DUS4L: variants seen among roughly 807,000 people sequenced by gnomAD.
DUS4L encodes the protein tRNA-dihydrouridine(20a/20b) synthase [NAD(P)+]-like.
DUS4L carries 31 observed loss-of-function variants against 33.8 expected under a neutral mutation model. The ratio of observed to expected loss-of-function variants is 0.92; its 90% CI spans 0.69 to 1.24. The LOEUF (loss-of-function observed/expected upper bound fraction) is 1.24, where lower values mean the gene tolerates loss of function less well. Ranked by LOEUF, DUS4L falls within the 50% of genes most tolerant of loss-of-function variation. The probability of loss-of-function intolerance (pLI) is 0.00; values close to 1 mark genes in which losing one functional copy is unlikely to be tolerated. For missense variants in DUS4L, 368 were observed against 388.6 expected, an observed-to-expected ratio of 0.95 and a Z score of 0.45; for synonymous variants, 103 against 120.3, an observed-to-expected ratio of 0.86 and a Z score of 0.94.
intron 4 of DUS4L, among the ~76,000 whole-genome samples, chr7:107,571,928 C>T (rs796470101): frequency 8.5e-5 from 13 of 152,254 alleles, no homozygotes; most frequent in African/African-American, 3.1e-4. Flanking sequence ...CTTGAACATA[C>T]ACTGTCTTCT....
At chr7:107,571,432 A>C (rs1162341231) in intron 4 of DUS4L, among the ~76,000 whole-genome samples, 166 bp downstream of exon 4, 1 of 152,204 alleles carries the variant, frequency 6.6e-6, no homozygotes, top group African/African-American at 2.4e-5. Context: ...ATGCCTTGCA[A>C]ACTATCAGTG....
Position 107,578,113 on chromosome 7 carries a change from C to T in DUS4L, c.*553C>T, listed in dbSNP as rs148392762. The T allele has an allele frequency of 6.6e-6, 1 of 152,174 alleles. No individual in the cohort carries two copies. The highest frequency in any genetic ancestry group is 2.4e-5 in the African/African-American group (1 of 41,508). The allele number at this position is 152,174 out of a possible 1,614,324, so 9.4% of individuals were successfully genotyped here. On this transcript the variant is annotated 3_prime_UTR_variant, in exon 8 of 8. Transcript: ENST00000265720. ...TGGTACATTTCAAAACTTCTAGGTC[C>T]TCCAAAGATTGAAAGCTTAATAATC...
chr7:107,577,159 C>T, intron 7 of DUS4L, 154 bp from the exon 8 acceptor site: 1 of 1,057,700 alleles, frequency 9.5e-7, no homozygotes, highest in Non-Finnish European at 1.3e-6. Flanking sequence ...AAAATTAATT[C>T]TTTTGTAATC....
intron 5 of DUS4L, among the ~76,000 whole-genome samples, chr7:107,574,436 T>C (rs552178807): frequency 6.6e-6 from 1 of 151,630 alleles, no homozygotes; most frequent in Non-Finnish European, 1.5e-5. Context: ...CCTCCCAGGT[T>C]CAAGCGATTC....
rs1485144923 is a variant in DUS4L, at chr7:107,574,252, A to C, written c.356+431A>C. The stretch of plus-strand genomic sequence containing the variant: ...TTAATTCCCCTTATAAAAATACCTT[A>C]TTATAATCACTTTTTCTTTCTATAC... On this transcript the variant is annotated intron_variant, in intron 5 of 7. Coordinates refer to ENST00000265720, the MANE Select transcript of DUS4L (RefSeq NM_181581.3). Among the ~76,000 whole-genome samples the C allele has an allele frequency of 2.6e-4, 40 of 152,042 alleles. 3 individuals carry two copies. The highest frequency in any genetic ancestry group is 2.6e-3 in the Admixed American group (40 of 15,258).
chr7:107,569,030 C>T lies in DUS4L; in HGVS notation c.116+1844C>T, dbSNP rs544915539. ...GACCAGCCTGGCCAACATGGTGAAA[C>T]CCCATCTCTACTAAAAATACAAAAA... On this transcript the variant is annotated intron_variant, in intron 3 of 7. Coordinates refer to ENST00000265720, the MANE Select transcript of DUS4L (RefSeq NM_181581.3). 9.6e-4 allele frequency among the ~76,000 whole-genome samples: 147 copies of T among 152,336 alleles called. 4 individuals are homozygous for T. The South Asian group carries it at 0.021, about 22-fold the overall frequency.
Position 107,575,209 on chromosome 7 carries a change from T to C in DUS4L, c.378T>C (p.Tyr126=), listed in dbSNP as rs766872954. The part of the protein sequence containing the change: ...CPQRWAMAEG[Y]GACLINKPEL... ...AAAGGTGGGCAATGGCAGAAGGTTA[T>C]GGGGCTTGCTTAATAAACAAGCCAG... is the stretch of plus-strand genomic sequence containing the variant. Residue 126 remains tyrosine, a synonymous_variant, in exon 6 of 8, where the codon TAT becomes TAC. Coordinates refer to ENST00000265720, the MANE Select transcript of DUS4L (RefSeq NM_181581.3). 1.2e-6 allele frequency: 2 copies of C among 1,609,458 alleles called. No homozygotes were observed. The highest frequency in any genetic ancestry group is 1.7e-6 in the Non-Finnish European group (2 of 1,178,956).
At position 107,576,349 on chromosome 7, in the gene DUS4L, T is replaced by G. The variant is rs986180923; in HGVS notation, c.480-17T>G. On this transcript the variant is annotated splice_polypyrimidine_tract_variant and intron_variant, in intron 6 of 7. Coordinates refer to ENST00000265720, the MANE Select transcript of DUS4L (RefSeq NM_181581.3). ...TTTGTGTGCTGTGAACAGATAAATG[T>G]AATTTTGAAATTGTAGGATCCATGA... 1.9e-6 allele frequency: 3 copies of G among 1,598,506 alleles called. No homozygotes were observed. The highest frequency in any genetic ancestry group is 2.6e-6 in the Non-Finnish European group (3 of 1,175,250).
rs769257344 is a variant in DUS4L at position 107,573,759 on chromosome 7, T to C, written c.294T>C (p.Asp98=). Reference sequence around the variant, plus strand: ...CTAACGATGCAAGACTTTTATCTGATGCTGCTCGTATAGTCTGTCCTTATG... The same window carrying C: ...CTAACGATGCAAGACTTTTATCTGACGCTGCTCGTATAGTCTGTCCTTATG... The part of the protein sequence containing the change: ...FAANDARLLS[D]AARIVCPYAN... Residue 98 remains aspartate, a synonymous_variant, in exon 5 of 8, where the codon GAT becomes GAC. Transcript: ENST00000265720. 3 of 1,611,316 alleles carry C rather than the reference T, an allele frequency of 1.9e-6. No individual in the cohort carries two copies. Among genetic ancestry groups the C allele is most frequent in the Non-Finnish European group, 2.5e-6 (3 of 1,178,806 alleles).
chr7:107,569,512 C>T (rs1805009209), intron 3 of DUS4L, among the ~76,000 whole-genome samples: 1 of 152,206 alleles, frequency 6.6e-6, no homozygotes, highest in Non-Finnish European at 1.5e-5. Flanking sequence ...GAAACCTATA[C>T]CTCAACTTGG....
rs1174158550 is a variant in DUS4L at position 107,571,358 on chromosome 7, T to A, written c.238+92T>A. 2.3e-5 allele frequency: 35 copies of A among 1,489,490 alleles called. No homozygotes were observed. The South Asian group carries it at 4.4e-4, about 19-fold the overall frequency. The allele number at this position is 1,489,490 out of a possible 1,614,324, so 92.3% of individuals were successfully genotyped here. A position where few individuals can be genotyped will look rare whatever the true frequency, so the allele number is the denominator to read the frequency against. Reference sequence around the variant, plus strand: ...ATCAGAAACAACACAATTTAGAGATTTTATGTGAAGAAGCTTTAGTTCTTT... The same window carrying A: ...ATCAGAAACAACACAATTTAGAGATATTATGTGAAGAAGCTTTAGTTCTTT... On this transcript the variant is annotated intron_variant, in intron 4 of 7. Coordinates refer to ENST00000265720, the MANE Select transcript of DUS4L (RefSeq NM_181581.3).
At chr7:107,568,083 T>G (rs936196230) in intron 3 of DUS4L, among the ~76,000 whole-genome samples, 1 of 152,222 alleles carries the variant, frequency 6.6e-6, no homozygotes, top group Non-Finnish European at 1.5e-5. Flanking sequence ...TTCCACCTTT[T>G]GGCTACTGCA....
intron 3 of DUS4L, among the ~76,000 whole-genome samples, chr7:107,568,505 A>G (rs1240553762): frequency 6.6e-6 from 1 of 152,138 alleles, no homozygotes; most frequent in Non-Finnish European, 1.5e-5. Flanking sequence ...TTGTAGAAGT[A>G]TCTATTCAAG....
At chr7:107,577,083 A>G in intron 7 of DUS4L, 1 of 517,080 alleles carries the variant, frequency 1.9e-6, no homozygotes, top group East Asian at 3.5e-5. Flanking sequence ...GGTTTAATGT[A>G]GAAATCTTTA....
chr7:107,571,002 T>G (rs1379145247), intron 3 of DUS4L, 143 bp from the exon 4 acceptor site: 1 of 1,071,676 alleles, frequency 9.3e-7, no homozygotes, highest in African/African-American at 1.6e-5. Context: ...AGGTTTTTAG[T>G]AATACTTAAC....
Position 107,577,593 on chromosome 7 carries a change from T to C in DUS4L, c.*33T>C. On this transcript the variant is annotated 3_prime_UTR_variant, in exon 8 of 8. Coordinates refer to ENST00000265720, the MANE Select transcript of DUS4L (RefSeq NM_181581.3). ...TCCCAAATAATTTTAATATATACTT[T>C]TAGACCCACAGTGAAACCACAGAAG... 6.3e-7 allele frequency: 1 copy of C among 1,589,402 alleles called. No individual in the cohort carries two copies. Among genetic ancestry groups the C allele is most frequent in the Non-Finnish European group, 8.6e-7 (1 of 1,166,812 alleles).
intron 3 of DUS4L, 138 bp from the exon 4 acceptor site, chr7:107,571,007 C>T (rs1023418492): frequency 3.5e-6 from 4 of 1,130,542 alleles, no homozygotes; most frequent in African/African-American, 1.6e-5. Flanking sequence ...TTTAGTAATA[C>T]TTAACAGGAA....
chr7:107,567,306 A>G (rs1804801251), intron 3 of DUS4L, 120 bp downstream of exon 3: 1 of 756,536 alleles, frequency 1.3e-6, no homozygotes. Flanking sequence ...CTTTGGAATC[A>G]TGACTTAGAA....
chr7:107,566,932 A>G, intron 2 of DUS4L, 118 bp from the exon 3 acceptor site: 2 of 646,300 alleles, frequency 3.1e-6, no homozygotes, highest in East Asian at 5.6e-5. Context: ...ATTAATAAAA[A>G]AATTTCTGAG....
Sources: gnomAD v4.1 joint callset for allele counts (sites outside exome capture counted in the v4.1 genomes callset) on GRCh38, gnomAD v4.1.1 for gene constraint, MANE v1.5 for transcripts, NCBI Gene and HGNC (gene_info 2026-07-23, HGNC 2026-07-21) for gene names.